The following PTK2 variants were observed in gnomAD, a reference collection of about 807,000 sequenced individuals.
PTK2 encodes protein tyrosine kinase 2.
In PTK2, 45 loss-of-function variants were observed where a neutral mutation model predicts 150.1. That is an observed-to-expected ratio of 0.30 (90% CI 0.24 to 0.38). PTK2 has a LOEUF of 0.38. Ranked by LOEUF, PTK2 falls within the 10% of genes least tolerant of loss-of-function variation. The pLI, the probability that PTK2 is intolerant of heterozygous loss-of-function variation, is 1.00. For missense variants in PTK2, 919 were observed against 1,307.3 expected, an observed-to-expected ratio of 0.70 and a Z score of 4.58; for synonymous variants, 432 against 449.2, an observed-to-expected ratio of 0.96 and a Z score of 0.48.
Position 140,927,972 on chromosome 8 carries a change from AAAAAT to A in PTK2, c.-121-2228_-121-2224del, listed in dbSNP as rs1255688492. Among the ~76,000 whole-genome samples the A allele has an allele frequency of 7.4e-3, 684 of 92,182 alleles. 4 individuals carry two copies. The highest frequency in any genetic ancestry group is 0.011 in the Non-Finnish European group (510 of 48,032). The allele number at this position is 92,182 out of a possible 152,430, so 60.5% of individuals were successfully genotyped here. On this transcript the variant is annotated intron_variant, in intron 1 of 31. Transcript: ENST00000522684. ...AAAAAAAAAAAGAAAAAAAAAAAAAAAAAATATATATATATATATATGTATATATA... is the reference window on the plus strand; with the variant it reads ...AAAAAAAAAAAGAAAAAAAAAAAAAAATATATATATATATATGTATATATA...
chr8:140,962,678 A>G (rs1325483051), intron 1 of PTK2, among the ~76,000 whole-genome samples: 1 of 151,782 alleles, frequency 6.6e-6, no homozygotes, highest in Non-Finnish European at 1.5e-5. Flanking sequence ...GCTACTCGGG[A>G]GGCTGAGGCA....
At chr8:140,991,919 C>T (rs1298239769) in intron 1 of PTK2, among the ~76,000 whole-genome samples, 1 of 151,946 alleles carries the variant, frequency 6.6e-6, no homozygotes, top group African/African-American at 2.4e-5. Context: ...TCACCTGAGG[C>T]TGGGAGGTCG....
chr8:140,870,783 C>A (rs1309069734), intron 4 of PTK2, among the ~76,000 whole-genome samples: 1 of 152,132 alleles, frequency 6.6e-6, no homozygotes, highest in Non-Finnish European at 1.5e-5. Context: ...ATTTAATAAA[C>A]AAGTTAAAAT....
At chr8:140,806,398 G>GT (rs771720487) in intron 10 of PTK2, among the ~76,000 whole-genome samples, 5 of 152,062 alleles carry the variant, frequency 3.3e-5, no homozygotes, top group Non-Finnish European at 7.4e-5. Context: ...ATGCACGTAC[G>GT]TAACAGAGGA....
intron 22 of PTK2, among the ~76,000 whole-genome samples, chr8:140,726,188 C>T (rs762776883): frequency 9.9e-5 from 15 of 151,424 alleles, no homozygotes; most frequent in South Asian, 2.1e-4. Flanking sequence ...CAATCTGAAG[C>T]GGGGAAGGTC....
intron 1 of PTK2, among the ~76,000 whole-genome samples, chr8:140,977,907 A>G (rs2100189891): frequency 6.6e-6 from 1 of 152,156 alleles, no homozygotes; most frequent in Non-Finnish European, 1.5e-5. Flanking sequence ...CAAATCAGAG[A>G]TATAGATCAA....
At position 140,890,534 on chromosome 8, in the gene PTK2, C is replaced by T. The variant is rs1193528545; in HGVS notation, c.195+9G>A. On this transcript the variant is annotated intron_variant, in intron 3 of 31. Transcript: ENST00000522684. The stretch of plus-strand genomic sequence containing the variant: ...ACATTAAAGATGTCTCATGGAAAAA[C>T]GTACTTACCCTGACATCAGTAGCAT... The T allele has an allele frequency of 6.2e-6, 10 of 1,606,688 alleles. No individual in the cohort carries two copies. Among genetic ancestry groups the T allele is most frequent in the South Asian group, 5.5e-5 (5 of 90,542 alleles).
At chr8:140,937,248 AT>A (rs1161292540) in intron 1 of PTK2, among the ~76,000 whole-genome samples, 7 of 152,112 alleles carry the variant, frequency 4.6e-5, no homozygotes, top group African/African-American at 9.7e-5. Flanking sequence ...AAGAATTTAA[AT>A]TTTCTTTTTA....
intron 4 of PTK2, among the ~76,000 whole-genome samples, chr8:140,872,591 G>T (rs561157854): frequency 7.9e-5 from 12 of 152,308 alleles, no homozygotes; most frequent in African/African-American, 2.9e-4. Flanking sequence ...CACACTTCAG[G>T]AGTGATTTTC....
intron 26 of PTK2, among the ~76,000 whole-genome samples, chr8:140,695,694 G>T (rs1468593435): frequency 6.6e-6 from 1 of 152,126 alleles, no homozygotes; most frequent in African/African-American, 2.4e-5. Context: ...GAGCCACAGT[G>T]CCCAGCCCTA....
chr8:140,767,323 G>T (rs1241210116), intron 14 of PTK2, among the ~76,000 whole-genome samples: 1 of 151,624 alleles, frequency 6.6e-6, no homozygotes, highest in African/African-American at 2.4e-5. Flanking sequence ...AAGCTGTCTA[G>T]GAATTACTTA....
chr8:140,855,669 T>C (rs2100132126), intron 5 of PTK2, among the ~76,000 whole-genome samples: 1 of 152,066 alleles, frequency 6.6e-6, no homozygotes, highest in Non-Finnish European at 1.5e-5. Context: ...GAGAAAATAC[T>C]AGCAAAACAT....
chr8:140,972,614 ATT>A (rs988363412), intron 1 of PTK2, among the ~76,000 whole-genome samples: 1 of 152,120 alleles, frequency 6.6e-6, no homozygotes, highest in African/African-American at 2.4e-5. Context: ...ATTTGTGGAA[ATT>A]TGTTTTCTCT....
At chr8:140,754,855 G>A (rs2100064733) in intron 16 of PTK2, among the ~76,000 whole-genome samples, 1 of 152,154 alleles carries the variant, frequency 6.6e-6, no homozygotes, top group Non-Finnish European at 1.5e-5. Flanking sequence ...GCTGGAGAAT[G>A]GGTCAGTTCA....
intron 2 of PTK2, among the ~76,000 whole-genome samples, chr8:140,891,350 C>T (rs895178717): frequency 1.3e-5 from 2 of 151,886 alleles, no homozygotes; most frequent in African/African-American, 4.8e-5. Context: ...TTTTTAAGTG[C>T]GATAAAGGAC....
intron 13 of PTK2, among the ~76,000 whole-genome samples, chr8:140,791,363 C>T (rs1166817383): frequency 6.6e-6 from 1 of 152,158 alleles, no homozygotes. Context: ...CCAAAATTAT[C>T]CCTTAACTTC....
At chr8:140,838,434 C>T (rs2100120136) in intron 7 of PTK2, among the ~76,000 whole-genome samples, 1 of 152,214 alleles carries the variant, frequency 6.6e-6, no homozygotes, top group South Asian at 2.1e-4. Context: ...AGCCAGGCCA[C>T]TCCTAAAGCA....
chr8:140,828,115 G>C (rs548691367), intron 8 of PTK2, among the ~76,000 whole-genome samples: 1 of 150,038 alleles, frequency 6.7e-6, no homozygotes, highest in Non-Finnish European at 1.5e-5. Context: ...GCAGCGAGTC[G>C]AGATCACGCC....
chr8:140,930,584 T>C (rs1381081567), intron 1 of PTK2, among the ~76,000 whole-genome samples: 1 of 152,216 alleles, frequency 6.6e-6, no homozygotes, highest in African/African-American at 2.4e-5. Context: ...CTGTTTCAAA[T>C]AACTTTCTAA....
Sources: allele counts gnomAD v4.1 joint callset (sites outside exome capture counted in the v4.1 genomes callset), GRCh38; gene constraint gnomAD v4.1.1; transcripts MANE v1.5; gene names NCBI Gene and HGNC (gene_info 2026-07-23, HGNC 2026-07-21).